Variants in RAB18 observed in about 807,000 individuals in gnomAD.
The protein encoded by RAB18 is RAB18, member RAS oncogene family.
RAB18 carries 10 observed loss-of-function variants against 28.5 expected under a neutral mutation model. That is an observed-to-expected ratio of 0.35 (90% CI 0.22 to 0.60). The LOEUF is 0.60. RAB18 is among the 20% of genes least tolerant of loss of function. The pLI is 0.78. For missense variants in RAB18, 188 were observed against 244.2 expected (o/e 0.77, Z 1.53); for synonymous variants, 93 against 86.9 (o/e 1.07, Z -0.39).
At chr10:27,536,731 T>G (rs1408733859) in intron 6 of RAB18, among the ~76,000 whole-genome samples, 1 of 152,184 alleles carries the variant, frequency 6.6e-6, no homozygotes, top group Non-Finnish European at 1.5e-5. Flanking sequence ...AGGAAGTGAT[T>G]AGCAGTATCA....
intron 4 of RAB18, 118 bp downstream of exon 4, chr10:27,532,697 T>G: frequency 1.3e-6 from 1 of 743,346 alleles, no homozygotes; most frequent in South Asian, 1.7e-5. Context: ...TTTATGTAAC[T>G]TGTAGTTGTA....
chr10:27,533,741 A>T lies in RAB18; in HGVS notation c.266A>T (p.Asp89Val). 1.2e-6 allele frequency: 2 copies of T among 1,613,172 alleles called. No homozygotes were observed. Among genetic ancestry groups the T allele is most frequent in the Non-Finnish European group, 1.7e-6 (2 of 1,179,564 alleles). ...RGAQGVILVY[D>V]VTRRDTFVKL... is the part of the protein sequence containing the mutation. ...ATGACTCCTTTTATTTCAGTTTATG[A>T]TGTCACAAGAAGAGATACATTTGTT... Residue 89 changes from aspartate to valine, a missense_variant, in exon 5 of 7, where the codon GAT (aspartate) becomes GTT (valine). Transcript: ENST00000356940.
Position 27,539,150 on chromosome 10 carries a change from T to C in RAB18, c.*1099T>C, listed in dbSNP as rs1383419445. Reference sequence around the variant, plus strand: ...ACCAACTTGTACAGACTAATAAATCTTTTTCACAGTATTCAGTTTTCTCAC... The same window carrying C: ...ACCAACTTGTACAGACTAATAAATCCTTTTCACAGTATTCAGTTTTCTCAC... On this transcript the variant is annotated 3_prime_UTR_variant, in exon 7 of 7. Coordinates refer to ENST00000356940, the MANE Select transcript of RAB18 (RefSeq NM_021252.5). 2.8e-6 allele frequency: 1 copy of C among 359,164 alleles called. No homozygotes were observed. Among genetic ancestry groups the C allele is most frequent in the East Asian group, 7.4e-5 (1 of 13,552 alleles). The allele number at this position is 359,164 out of a possible 1,614,324, so 22.2% of individuals were successfully genotyped here. A position where few individuals can be genotyped will look rare whatever the true frequency, so the allele number is the denominator to read the frequency against.
chr10:27,504,894 C>T (rs1837777290), intron 1 of RAB18: 3 of 504,342 alleles, frequency 5.9e-6, no homozygotes, highest in East Asian at 5.5e-5. Flanking sequence ...TACATAATGT[C>T]CTCGGGAAGT....
chr10:27,532,545 C>T lies in RAB18; in HGVS notation c.225C>T (p.Pro75=), dbSNP rs1436743020. Residue 75 remains proline (P), a synonymous_variant, in exon 4 of 7, where the codon CCC becomes CCT. Coordinates refer to ENST00000356940, the MANE Select transcript of RAB18 (RefSeq NM_021252.5). ...AGQERFRTLT[P]SYYRGAQGVI... ...AAGAGAGGTTTAGAACATTAACTCCCAGCTATTATAGAGGTGCACAGGGTG... is the reference window on the plus strand; with the variant it reads ...AAGAGAGGTTTAGAACATTAACTCCTAGCTATTATAGAGGTGCACAGGGTG... 2.5e-6 allele frequency: 4 copies of T among 1,604,986 alleles called. No individual in the cohort carries two copies. Among genetic ancestry groups the T allele is most frequent in the African/African-American group, 2.7e-5 (2 of 74,614 alleles).
chr10:27,520,183 A>T (rs74127330), intron 2 of RAB18, among the ~76,000 whole-genome samples: 2 of 152,122 alleles, frequency 1.3e-5, no homozygotes, highest in Admixed American at 1.3e-4. Flanking sequence ...GGGTCTATTC[A>T]AGTTTTCTAT....
rs764170485 is a variant in RAB18 at position 27,513,015 on chromosome 10, C to CATATATAT, written c.124+3096_124+3103dup. Among the ~76,000 whole-genome samples, 8 of 138,118 alleles carry CATATATAT rather than the reference C, an allele frequency of 5.8e-5. No individual in the cohort carries two copies. The East Asian group carries it at 1.1e-3, about 19-fold the overall frequency. 90.6% of individuals were successfully genotyped at this position (138,118 alleles called of 152,430 possible). On this transcript the variant is annotated intron_variant, in intron 2 of 6. Coordinates refer to ENST00000356940, the MANE Select transcript of RAB18 (RefSeq NM_021252.5). ...GATTACTTTCAGCCTTAGGTAATAA[C>CATATATAT]ATATATATATATATATATTTTTTTT... is the stretch of plus-strand genomic sequence containing the variant.
At chr10:27,528,999 CCCATTTTAT>C (rs1350791042) in intron 3 of RAB18, among the ~76,000 whole-genome samples, 11 of 151,890 alleles carry the variant, frequency 7.2e-5, no homozygotes, top group Non-Finnish European at 1.3e-4. Context: ...ACATATTTTA[CCCATTTTAT>C]ACGTTAGCAT....
In RAB18 at chr10:27,530,564, C is replaced by T. The variant is rs146695760; in HGVS notation, c.187-1943C>T. ...TAATTTGTCATTTTTTGCATGTAAG[C>T]AGATAGCTAGGATACGTTCTCATAA... On this transcript the variant is annotated intron_variant, in intron 3 of 6. Transcript: ENST00000356940. 1.8e-3 allele frequency among the ~76,000 whole-genome samples: 275 copies of T among 151,786 alleles called. 3 individuals are homozygous for T. The highest frequency in any genetic ancestry group is 6.4e-3 in the African/African-American group (265 of 41,472).
chr10:27,531,929 T>G (rs967414394), intron 3 of RAB18, among the ~76,000 whole-genome samples: 1 of 152,036 alleles, frequency 6.6e-6, no homozygotes, highest in African/African-American at 2.4e-5. Flanking sequence ...CATTGTTCAC[T>G]AACCCTAACA....
chr10:27,536,404 G>A (rs773001995), intron 6 of RAB18, among the ~76,000 whole-genome samples: 41 of 152,282 alleles, frequency 2.7e-4, no homozygotes, highest in Non-Finnish European at 5.7e-4. Flanking sequence ...AATCAGCTGT[G>A]TATAGTGGCA....
chr10:27,505,779 C>T (rs1233374336), intron 1 of RAB18, among the ~76,000 whole-genome samples: 1 of 152,086 alleles, frequency 6.6e-6, no homozygotes, highest in South Asian at 2.1e-4. Flanking sequence ...AGGATGGTCT[C>T]CATCTTTTGA....
chr10:27,530,251 A>G (rs1834759533), intron 3 of RAB18, among the ~76,000 whole-genome samples: 1 of 152,026 alleles, frequency 6.6e-6, no homozygotes, highest in South Asian at 2.1e-4. Context: ...GCCTCAAACT[A>G]TTTGTTATGA....
chr10:27,534,671 C>T (rs1186174580), intron 6 of RAB18, among the ~76,000 whole-genome samples: 1 of 152,226 alleles, frequency 6.6e-6, no homozygotes, highest in East Asian at 1.9e-4. Context: ...TCAGAATCAC[C>T]TGGGCCCTGT....
At chr10:27,513,032 A>ATT (rs1554899531) in intron 2 of RAB18, among the ~76,000 whole-genome samples, 1 of 142,578 alleles carries the variant, frequency 7.0e-6, no homozygotes, top group African/African-American at 2.6e-5. Context: ...ATATATATAT[A>ATT]TTTTTTTTTT....
At chr10:27,537,729 C>A in intron 6 of RAB18, 147 bp from the exon 7 acceptor site, 1 of 632,322 alleles carries the variant, frequency 1.6e-6, no homozygotes, top group Non-Finnish European at 2.7e-6. Flanking sequence ...TGGAAATTCA[C>A]TAGTTATTGA....
chr10:27,536,310 T>G (rs1413910376), intron 6 of RAB18, among the ~76,000 whole-genome samples: 1 of 152,134 alleles, frequency 6.6e-6, no homozygotes, highest in Non-Finnish European at 1.5e-5. Flanking sequence ...GTCATGTGAT[T>G]AGAGTGGTGA....
At chr10:27,537,275 G>A (rs953347115) in intron 6 of RAB18, among the ~76,000 whole-genome samples, 3 of 152,206 alleles carry the variant, frequency 2.0e-5, no homozygotes, top group African/African-American at 7.2e-5. Context: ...ATTATTAGCT[G>A]CGATAGAGTT....
At chr10:27,504,704 G>A (rs749912137) in intron 1 of RAB18, 2 of 696,186 alleles carry the variant, frequency 2.9e-6, no homozygotes, top group East Asian at 2.8e-5. Context: ...ACCATTCCGA[G>A]GGCCGCCGCT....
Sources: allele counts gnomAD v4.1 joint callset (sites outside exome capture counted in the v4.1 genomes callset), GRCh38; gene constraint gnomAD v4.1.1; transcripts MANE v1.5; gene names NCBI Gene and HGNC (gene_info 2026-07-23, HGNC 2026-07-21).